LYZL4: variants seen among roughly 807,000 people sequenced by gnomAD.
The protein encoded by LYZL4 is lysozyme like 4.
Under a neutral mutation model 17.6 loss-of-function variants are expected in LYZL4, and 13 were observed. The ratio of observed to expected loss-of-function variants is 0.74; its 90% CI spans 0.48 to 1.18. The LOEUF (loss-of-function observed/expected upper bound fraction) is 1.18, where lower values mean the gene tolerates loss of function less well. Among genes scored for constraint, LYZL4 ranks in the 50% most tolerant of loss-of-function variants. The probability of loss-of-function intolerance (pLI) is 0.00; values close to 1 mark genes in which losing one functional copy is unlikely to be tolerated. For missense variants in LYZL4, 174 were observed against 188.2 expected (o/e 0.92, Z 0.44); for synonymous variants, 64 against 67.7 (o/e 0.95, Z 0.27).
At chr3:42,380,421 C>G in the LYZL4 span, among the ~76,000 whole-genome samples, 1 of 152,316 alleles carries the variant, frequency 6.6e-6, no homozygotes, top group East Asian at 1.9e-4. Flanking sequence ...TGGAGCTAAG[C>G]AGCCCTTGCA....
chr3:42,368,944 T>C, the LYZL4 span, among the ~76,000 whole-genome samples: 398 of 152,350 alleles, frequency 2.6e-3, 1 homozygote, highest in African/African-American at 8.7e-3. Context: ...GAATTGCCTA[T>C]TCACATTCTT....
the LYZL4 span, among the ~76,000 whole-genome samples, chr3:42,368,210 A>G: frequency 3.9e-4 from 60 of 152,230 alleles, no homozygotes; most frequent in Non-Finnish European, 6.3e-4. Context: ...CAGTAAACTT[A>G]TGGGGTATTT....
chr3:42,370,688 A>C, the LYZL4 span, among the ~76,000 whole-genome samples: 1 of 152,218 alleles, frequency 6.6e-6, no homozygotes, highest in Non-Finnish European at 1.5e-5. Context: ...ATGTCCCGAT[A>C]CTTGTATCTT....
At chr3:42,396,486 A>G (rs372308439), downstream of LYZL4, among the ~76,000 whole-genome samples, 1 of 152,208 alleles carries the variant, frequency 6.6e-6, no homozygotes, top group African/African-American at 2.4e-5. Flanking sequence ...TGTAGGGGAA[A>G]AGTGTCTTAC....
At chr3:42,366,948 C>T in the LYZL4 span, among the ~76,000 whole-genome samples, 1 of 152,204 alleles carries the variant, frequency 6.6e-6, no homozygotes, top group Non-Finnish European at 1.5e-5. Flanking sequence ...GTTTCTGGTA[C>T]AGGGCTGTGC....
At chr3:42,373,563 G>C in the LYZL4 span, among the ~76,000 whole-genome samples, 1 of 152,284 alleles carries the variant, frequency 6.6e-6, no homozygotes, top group South Asian at 2.1e-4. Context: ...GCATGTGTGT[G>C]TGCAGGTCCT....
chr3:42,390,078 G>A, the LYZL4 span, among the ~76,000 whole-genome samples: 1 of 152,330 alleles, frequency 6.6e-6, no homozygotes. Flanking sequence ...ATGTTTACAG[G>A]TAGAGATCTA....
the LYZL4 span, among the ~76,000 whole-genome samples, chr3:42,370,140 G>A: frequency 6.6e-6 from 1 of 152,238 alleles, no homozygotes; most frequent in African/African-American, 2.4e-5. Flanking sequence ...CTAGAGTTCT[G>A]GAGTCACTAA....
At chr3:42,392,012 T>C in the LYZL4 span, among the ~76,000 whole-genome samples, 3 of 152,028 alleles carry the variant, frequency 2.0e-5, no homozygotes, top group African/African-American at 4.8e-5. Context: ...GGGACTACAG[T>C]GCACACCACC....
the LYZL4 span, among the ~76,000 whole-genome samples, chr3:42,376,293 T>G: frequency 6.6e-6 from 1 of 152,156 alleles, no homozygotes; most frequent in African/African-American, 2.4e-5. Context: ...GGTGGGGAAG[T>G]AGAGGCTGAA....
intron 4 of LYZL4, among the ~76,000 whole-genome samples, chr3:42,402,897 A>C (rs1698682156): frequency 6.6e-6 from 1 of 152,236 alleles, no homozygotes; most frequent in Non-Finnish European, 1.5e-5. Flanking sequence ...GTGAATCCAC[A>C]CAATGGAATA....
At chr3:42,404,158 G>T in intron 3 of LYZL4, 34 bp from the exon 4 acceptor site, 1 of 1,411,282 alleles carries the variant, frequency 7.1e-7, no homozygotes, top group Non-Finnish European at 1.0e-6. Flanking sequence ...ATACCATGCT[G>T]CCATATGACA....
intron 1 of LYZL4, among the ~76,000 whole-genome samples, chr3:42,407,696 G>C (rs1698783935): frequency 6.7e-6 from 1 of 149,078 alleles, no homozygotes; most frequent in Non-Finnish European, 1.5e-5. Flanking sequence ...AAACAGAAAA[G>C]AGAAATTAAA....
At chr3:42,370,270 T>C in the LYZL4 span, among the ~76,000 whole-genome samples, 1 of 151,436 alleles carries the variant, frequency 6.6e-6, no homozygotes, top group African/African-American at 2.4e-5. Flanking sequence ...CCCACCCCCT[T>C]CCCACACAGA....
chr3:42,386,705 T>A, the LYZL4 span, among the ~76,000 whole-genome samples: 2 of 152,222 alleles, frequency 1.3e-5, no homozygotes, highest in South Asian at 4.1e-4. Flanking sequence ...ACAAAATTTG[T>A]TAATTTTAAG....
chr3:42,389,151 A>G, the LYZL4 span, among the ~76,000 whole-genome samples: 1 of 152,208 alleles, frequency 6.6e-6, no homozygotes, highest in Admixed American at 6.5e-5. Flanking sequence ...GGTGCTCATG[A>G]TGACAGGGTT....
chr3:42,395,805 C>G (rs1698542181), downstream of LYZL4, among the ~76,000 whole-genome samples: 1 of 152,144 alleles, frequency 6.6e-6, no homozygotes, highest in Admixed American at 6.5e-5. Context: ...CGGTGGCTCA[C>G]ACCCCTAACA....
chr3:42,387,584 C>T, the LYZL4 span, among the ~76,000 whole-genome samples: 1 of 152,154 alleles, frequency 6.6e-6, no homozygotes, highest in Non-Finnish European at 1.5e-5. Flanking sequence ...CCCCTCATCG[C>T]CGTCCCTGCT....
intron 3 of LYZL4, among the ~76,000 whole-genome samples, chr3:42,404,339 T>A (rs1698711478): frequency 6.6e-6 from 1 of 152,228 alleles, no homozygotes; most frequent in Non-Finnish European, 1.5e-5. Context: ...GTAATTCTTA[T>A]AAAATTTTTT....
Sources: allele counts gnomAD v4.1 joint callset (sites outside exome capture counted in the v4.1 genomes callset), GRCh38; gene constraint gnomAD v4.1.1; transcripts MANE v1.5; gene names NCBI Gene and HGNC (gene_info 2026-07-23, HGNC 2026-07-21).